GALNT13: variants seen among roughly 807,000 people sequenced by gnomAD.
GALNT13 encodes the protein polypeptide N-acetylgalactosaminyltransferase 13.
In GALNT13, 28 loss-of-function variants were observed where a neutral mutation model predicts 64.2. The ratio of observed to expected loss-of-function variants is 0.44; its 90% CI spans 0.32 to 0.60. The LOEUF is 0.60. Ranked by LOEUF, GALNT13 falls within the 20% of genes least tolerant of loss-of-function variation. The pLI is 0.05. For missense variants in GALNT13, 577 were observed against 669.8 expected, an observed-to-expected ratio of 0.86 and a Z score of 1.53; for synonymous variants, 214 against 224.6, an observed-to-expected ratio of 0.95 and a Z score of 0.42.
the GALNT13 span, among the ~76,000 whole-genome samples, chr2:153,162,257 C>T: frequency 6.6e-6 from 1 of 152,088 alleles, no homozygotes; most frequent in Non-Finnish European, 1.5e-5. Context: ...CTTGTTTGAC[C>T]ATATGTAGTT....
At chr2:153,255,357 G>A in the GALNT13 span, among the ~76,000 whole-genome samples, 1 of 138,260 alleles carries the variant, frequency 7.2e-6, no homozygotes, top group African/African-American at 2.8e-5. Flanking sequence ...TTGAGCCTAT[G>A]TGTGTCTCTG....
intron 10 of GALNT13, among the ~76,000 whole-genome samples, chr2:154,400,092 A>G (rs556153964): frequency 5.4e-4 from 83 of 152,320 alleles, no homozygotes; most frequent in African/African-American, 2.0e-3. Flanking sequence ...GGCCACGTAT[A>G]CATAATTTAA....
chr2:154,188,001 T>C (rs1686354831), intron 4 of GALNT13, among the ~76,000 whole-genome samples: 1 of 148,550 alleles, frequency 6.7e-6, no homozygotes, highest in Admixed American at 6.8e-5. Context: ...GTGATGTAGC[T>C]AGGCATCAGG....
At chr2:154,337,671 A>G (rs1415254952) in intron 9 of GALNT13, among the ~76,000 whole-genome samples, 1 of 152,134 alleles carries the variant, frequency 6.6e-6, no homozygotes. Flanking sequence ...AATGTATTTT[A>G]CATTTTTCCA....
At chr2:153,249,074 G>C in the GALNT13 span, among the ~76,000 whole-genome samples, 1 of 152,136 alleles carries the variant, frequency 6.6e-6, no homozygotes, top group African/African-American at 2.4e-5. Context: ...CAAATAGAAA[G>C]AGAGAAAGTT....
chr2:153,399,034 TTC>T, the GALNT13 span, among the ~76,000 whole-genome samples: 5 of 123,492 alleles, frequency 4.0e-5, no homozygotes, highest in African/African-American at 1.6e-4. Context: ...CTAGGTTTTC[TTC>T]TAGGGTTTTT....
At chr2:153,561,670 G>A in the GALNT13 span, among the ~76,000 whole-genome samples, 1 of 120,082 alleles carries the variant, frequency 8.3e-6, no homozygotes, top group Non-Finnish European at 1.7e-5. Flanking sequence ...TGTGTGTGTG[G>A]TGTGTATTAA....
intron 3 of GALNT13, among the ~76,000 whole-genome samples, chr2:154,055,286 C>A (rs1699839752): frequency 6.6e-6 from 1 of 151,974 alleles, no homozygotes. Context: ...TGTTTTCCAA[C>A]ATGTAGTTCT....
chr2:153,158,022 A>G, the GALNT13 span, among the ~76,000 whole-genome samples: 526 of 152,282 alleles, frequency 3.5e-3, 5 homozygotes, highest in African/African-American at 0.012. Flanking sequence ...AAAAATACCA[A>G]TTGTTCTTTT....
intron 9 of GALNT13, among the ~76,000 whole-genome samples, chr2:154,342,981 T>C (rs1695859409): frequency 6.6e-6 from 1 of 152,020 alleles, no homozygotes; most frequent in Non-Finnish European, 1.5e-5. Flanking sequence ...CCAAGTACAT[T>C]GCAAGCATTG....
At chr2:153,258,235 C>G in the GALNT13 span, among the ~76,000 whole-genome samples, 2 of 152,178 alleles carry the variant, frequency 1.3e-5, no homozygotes, top group Admixed American at 1.3e-4. Context: ...GTTTTGCAGA[C>G]AAATCAGTCC....
the GALNT13 span, among the ~76,000 whole-genome samples, chr2:153,186,578 T>A: frequency 6.6e-6 from 1 of 152,120 alleles, no homozygotes; most frequent in African/African-American, 2.4e-5. Flanking sequence ...GAGTATTTTT[T>A]TTTTTTTGAG....
chr2:153,577,198 T>C, the GALNT13 span, among the ~76,000 whole-genome samples: 1 of 152,210 alleles, frequency 6.6e-6, no homozygotes, highest in Non-Finnish European at 1.5e-5. Flanking sequence ...AAGAATGAAA[T>C]GTTTAAGGTA....
the GALNT13 span, among the ~76,000 whole-genome samples, chr2:153,366,334 C>A: frequency 6.6e-6 from 1 of 152,014 alleles, no homozygotes; most frequent in Non-Finnish European, 1.5e-5. Context: ...GTGCAGCAAA[C>A]CACCATGGCA....
chr2:153,652,508 T>C, the GALNT13 span, among the ~76,000 whole-genome samples: 20 of 152,102 alleles, frequency 1.3e-4, no homozygotes, highest in East Asian at 3.9e-3. Context: ...CCAGCTACTC[T>C]GGAGGCTGTG....
At chr2:154,204,940 A>G (rs1040895010) in intron 4 of GALNT13, among the ~76,000 whole-genome samples, 1 of 152,216 alleles carries the variant, frequency 6.6e-6, no homozygotes, top group Non-Finnish European at 1.5e-5. Context: ...ATTTATTTAT[A>G]TGCTGTGTTA....
chr2:154,321,292 T>TTCACAGTCACA (rs1694610705), intron 9 of GALNT13, among the ~76,000 whole-genome samples: 1 of 152,162 alleles, frequency 6.6e-6, no homozygotes, highest in African/African-American at 2.4e-5. Flanking sequence ...AGGTGGAGCT[T>TTCACAGTCACA]TGGTCATGTG....
At chr2:154,121,973 T>C (rs945450804) in intron 3 of GALNT13, among the ~76,000 whole-genome samples, 2 of 152,118 alleles carry the variant, frequency 1.3e-5, no homozygotes, top group Admixed American at 1.3e-4. Flanking sequence ...TTTTGTTGGT[T>C]TAGGTTTTTG....
chr2:154,016,896 TTTG>T (rs1030943084), intron 3 of GALNT13, among the ~76,000 whole-genome samples: 3 of 152,106 alleles, frequency 2.0e-5, no homozygotes, highest in East Asian at 1.9e-4. Context: ...TCAAGGGATT[TTTG>T]TTGTTGTTGC....
Sources: allele counts gnomAD v4.1 joint callset (sites outside exome capture counted in the v4.1 genomes callset), GRCh38; gene constraint gnomAD v4.1.1; transcripts MANE v1.5; gene names NCBI Gene and HGNC (gene_info 2026-07-23, HGNC 2026-07-21).